B4GALT6: variants seen among roughly 807,000 people sequenced by gnomAD.
The protein encoded by B4GALT6 is beta-1,4-galactosyltransferase 6.
Under a neutral mutation model 46.3 loss-of-function variants are expected in B4GALT6, and 14 were observed. That is an observed-to-expected ratio of 0.30 (90% CI 0.20 to 0.47). The LOEUF is 0.47. B4GALT6 is among the 20% of genes least tolerant of loss of function. The pLI is 0.99. For synonymous variants in B4GALT6, 168 were observed against 162.0 expected, an observed-to-expected ratio of 1.04 and a Z score of -0.28; for missense variants, 386 against 480.1, an observed-to-expected ratio of 0.80 and a Z score of 1.83.
At chr18:31,649,355 C>A (rs992307477) in intron 3 of B4GALT6, among the ~76,000 whole-genome samples, 2 of 152,134 alleles carry the variant, frequency 1.3e-5, no homozygotes, top group African/African-American at 4.8e-5. Flanking sequence ...AAGGGCAATG[C>A]CTGGACACAG....
At chr18:31,657,951 A>G (rs1302596492) in intron 3 of B4GALT6, 25 bp downstream of exon 3, 2 of 1,556,916 alleles carry the variant, frequency 1.3e-6, no homozygotes, top group Admixed American at 1.7e-5. Flanking sequence ...GTAAACAGTT[A>G]AGTCAAAATT....
chr18:31,702,890 T>C, the B4GALT6 span, among the ~76,000 whole-genome samples: 36 of 152,246 alleles, frequency 2.4e-4, no homozygotes, highest in Middle Eastern at 3.4e-3. Context: ...ATGGGAGGTA[T>C]GCAGCACAAT....
intron 1 of B4GALT6, among the ~76,000 whole-genome samples, chr18:31,682,033 T>C (rs2074485743): frequency 1.3e-5 from 2 of 152,340 alleles, no homozygotes; most frequent in South Asian, 2.1e-4. Flanking sequence ...TCTGAAGCAC[T>C]TGTGCAATTG....
chr18:31,709,546 GAT>G, the B4GALT6 span, among the ~76,000 whole-genome samples: 48 of 124,528 alleles, frequency 3.9e-4, no homozygotes, highest in East Asian at 1.7e-3. Flanking sequence ...GGATCAATAG[GAT>G]ATATATGTGT....
intron 5 of B4GALT6, among the ~76,000 whole-genome samples, 163 bp downstream of exon 5, chr18:31,638,481 C>A (rs1193048685): frequency 6.6e-6 from 1 of 152,046 alleles, no homozygotes; most frequent in African/African-American, 2.4e-5. Flanking sequence ...GAGCCGAGAT[C>A]GCGCCACTGC....
the B4GALT6 span, among the ~76,000 whole-genome samples, chr18:31,712,284 G>GTTTTT: frequency 8.3e-4 from 73 of 88,212 alleles, no homozygotes; most frequent in Non-Finnish European, 9.3e-4. Flanking sequence ...CTACTGGGAC[G>GTTTTT]TTATTTTTTT....
intron 1 of B4GALT6, among the ~76,000 whole-genome samples, chr18:31,667,343 C>T (rs930282250): frequency 3.3e-5 from 5 of 152,112 alleles, no homozygotes; most frequent in Non-Finnish European, 1.5e-5. Context: ...ATGGCAAAAA[C>T]CAAGAAACTG....
intron 5 of B4GALT6, among the ~76,000 whole-genome samples, chr18:31,633,847 C>T (rs1030437354): frequency 2.0e-5 from 3 of 152,192 alleles, no homozygotes; most frequent in African/African-American, 7.2e-5. Context: ...CCACTCTCTA[C>T]CCTGAGTGCC....
chr18:31,664,364 A>C (rs1275182822), intron 2 of B4GALT6, among the ~76,000 whole-genome samples: 1 of 152,158 alleles, frequency 6.6e-6, no homozygotes, highest in Non-Finnish European at 1.5e-5. Flanking sequence ...CCTAATCCCT[A>C]ATGTATACAA....
chr18:31,636,112 A>T (rs1338724092), intron 5 of B4GALT6, among the ~76,000 whole-genome samples: 1 of 152,260 alleles, frequency 6.6e-6, no homozygotes, highest in Non-Finnish European at 1.5e-5. Context: ...GAAACAACTA[A>T]ACGAAACTTC....
At chr18:31,688,102 T>G (rs1327054861), upstream of B4GALT6, among the ~76,000 whole-genome samples, 1 of 152,016 alleles carries the variant, frequency 6.6e-6, no homozygotes, top group Non-Finnish European at 1.5e-5. Flanking sequence ...ATGCATAGTC[T>G]CAGCATCTGA....
intron 5 of B4GALT6, among the ~76,000 whole-genome samples, chr18:31,634,908 T>TA (rs2073839045): frequency 6.6e-6 from 1 of 152,158 alleles, no homozygotes; most frequent in South Asian, 2.1e-4. Flanking sequence ...TTTCATCACA[T>TA]ACACCAAATA....
At chr18:31,666,137 G>A (rs2074279658) in intron 2 of B4GALT6, 119 bp downstream of exon 2, 3 of 546,098 alleles carry the variant, frequency 5.5e-6, no homozygotes, top group Non-Finnish European at 9.9e-6. Context: ...CTACCAGGAC[G>A]CTTAGGGGAA....
chr18:31,691,410 C>CA, the B4GALT6 span, among the ~76,000 whole-genome samples: 1 of 146,842 alleles, frequency 6.8e-6, no homozygotes, highest in African/African-American at 2.6e-5. Flanking sequence ...AGCATATTAT[C>CA]AAAAGAGCCA....
At chr18:31,627,377 CAAAAT>C (rs2073714714) in intron 6 of B4GALT6, among the ~76,000 whole-genome samples, 1 of 151,918 alleles carries the variant, frequency 6.6e-6, no homozygotes, top group Non-Finnish European at 1.5e-5. Context: ...AAATAAGACT[CAAAAT>C]AAAATCTGTA....
intron 1 of B4GALT6, among the ~76,000 whole-genome samples, chr18:31,666,624 CTAAAA>C (rs2074286224): frequency 6.6e-6 from 1 of 151,970 alleles, no homozygotes; most frequent in Admixed American, 6.6e-5. Flanking sequence ...ACTGAACAAA[CTAAAA>C]TATTATAATG....
chr18:31,695,457 C>CCGAGAGG, the B4GALT6 span, among the ~76,000 whole-genome samples: 3 of 152,130 alleles, frequency 2.0e-5, no homozygotes, highest in African/African-American at 7.2e-5. Flanking sequence ...AGTGGAACCC[C>CCGAGAGG]CGAGAGGCAA....
chr18:31,685,595 C>T, upstream of B4GALT6: 1 of 152,548 alleles, frequency 6.6e-6, no homozygotes, highest in South Asian at 1.9e-4. Context: ...GCACCGGGGC[C>T]CCACCGCCTC....
At chr18:31,636,274 A>G (rs1307788038) in intron 5 of B4GALT6, among the ~76,000 whole-genome samples, 2 of 152,252 alleles carry the variant, frequency 1.3e-5, no homozygotes, top group Non-Finnish European at 2.9e-5. Flanking sequence ...ACAAAAATCA[A>G]TACATTGGAC....
Sources: allele counts gnomAD v4.1 joint callset (sites outside exome capture counted in the v4.1 genomes callset), GRCh38; gene constraint gnomAD v4.1.1; transcripts MANE v1.5; gene names NCBI Gene and HGNC (gene_info 2026-07-23, HGNC 2026-07-21).